Variants in ZNF91 observed in about 807,000 individuals in gnomAD.
ZNF91 encodes the protein zinc finger protein 91 (HPF7, HTF10).
ZNF91 carries 7 observed loss-of-function variants against 12.6 expected under a neutral mutation model. That is an observed-to-expected ratio of 0.55 (90% CI 0.31 to 1.04). The LOEUF is 1.04. ZNF91 is among the 50% of genes least tolerant of loss of function. The pLI, the probability that ZNF91 is intolerant of heterozygous loss-of-function variation, is 0.05. For missense variants in ZNF91, 1,217 were observed against 1,385.4 expected, an observed-to-expected ratio of 0.88 and a Z score of 1.93; for synonymous variants, 453 against 462.6, an observed-to-expected ratio of 0.98 and a Z score of 0.27.
intron 3 of ZNF91, among the ~76,000 whole-genome samples, chr19:23,372,892 C>T (rs565999598): frequency 6.6e-6 from 1 of 152,202 alleles, no homozygotes; most frequent in Admixed American, 6.5e-5. Context: ...ATAAAGCCCA[C>T]CATATGCAGA....
chr19:23,391,437 C>T (rs961013876), intron 1 of ZNF91, among the ~76,000 whole-genome samples: 2 of 151,930 alleles, frequency 1.3e-5, no homozygotes, highest in African/African-American at 4.8e-5. Flanking sequence ...ATTTTATTAC[C>T]CTCTGTTTAA....
chr19:23,323,097 C>G (rs1368171638), intron 1 of ZNF91, among the ~76,000 whole-genome samples: 1 of 148,032 alleles, frequency 6.8e-6, no homozygotes, highest in Non-Finnish European at 1.5e-5. Flanking sequence ...CTCCTCCCCT[C>G]CCCTTGTCTC....
In ZNF91 at chr19:23,362,326, G is replaced by GT. The variant is rs1968831518; in HGVS notation, c.652dup (p.Thr218AsnfsTer10). On this transcript the variant is annotated frameshift_variant, in exon 4 of 4. Transcript: ENST00000300619. LOFTEE classifies it low-confidence loss of function (END_TRUNC). ...AGTAAGGGTTGAGGACCAATGAAAG[G>GT]TTTTTTCACATTCTTTACATTTACA... The GT allele has an allele frequency of 1.2e-6, 2 of 1,613,486 alleles. No individual in the cohort carries two copies. The highest frequency in any genetic ancestry group is 1.7e-6 in the Non-Finnish European group (2 of 1,179,782).
intron 1 of ZNF91, among the ~76,000 whole-genome samples, chr19:23,377,524 T>G (rs1969546186): frequency 6.6e-6 from 1 of 152,146 alleles, no homozygotes; most frequent in South Asian, 2.1e-4. Context: ...TAAATGGGTG[T>G]TCTAAACAAG....
intron 3 of ZNF91, among the ~76,000 whole-genome samples, chr19:23,349,885 A>G (rs1166507348): frequency 6.6e-6 from 1 of 152,248 alleles, no homozygotes; most frequent in Non-Finnish European, 1.5e-5. Context: ...AGGAAGCCAA[A>G]GATGGCAACA....
At chr19:23,322,378 C>A (rs1482092133) in intron 1 of ZNF91, among the ~76,000 whole-genome samples, 1 of 152,174 alleles carries the variant, frequency 6.6e-6, no homozygotes, top group Non-Finnish European at 1.5e-5. Context: ...AGGCCCAGCA[C>A]CTAACTGTTG....
chr19:23,352,658 A>G (rs933293149), intron 3 of ZNF91, among the ~76,000 whole-genome samples: 9 of 152,194 alleles, frequency 5.9e-5, no homozygotes, highest in Non-Finnish European at 1.0e-4. Context: ...CAATTAAAGG[A>G]CACAGAACTG....
intron 1 of ZNF91, among the ~76,000 whole-genome samples, chr19:23,393,780 A>G (rs1970144203): frequency 6.6e-6 from 1 of 152,180 alleles, no homozygotes; most frequent in African/African-American, 2.4e-5. Context: ...TGGGCAGACC[A>G]GCTGAGGCCA....
downstream of ZNF91, among the ~76,000 whole-genome samples, chr19:23,353,194 A>T (rs989990770): frequency 1.1e-4 from 17 of 152,204 alleles, no homozygotes; most frequent in Non-Finnish European, 1.9e-4. Context: ...TCCAAGATAG[A>T]TCATATGATA....
chr19:23,370,610 T>TGCCC (rs1456932452), intron 3 of ZNF91, among the ~76,000 whole-genome samples: 3 of 152,194 alleles, frequency 2.0e-5, no homozygotes, highest in African/African-American at 7.2e-5. Context: ...CAAATAATCC[T>TGCCC]GCCCCTCAAT....
chr19:23,334,371 G>T (rs1387675648), downstream of ZNF91, among the ~76,000 whole-genome samples: 1 of 152,090 alleles, frequency 6.6e-6, no homozygotes, highest in East Asian at 1.9e-4. Flanking sequence ...GCAGCTCTGT[G>T]TTTCAGAGGG....
At chr19:23,335,858 G>T (rs956501179), downstream of ZNF91, among the ~76,000 whole-genome samples, 1 of 152,162 alleles carries the variant, frequency 6.6e-6, no homozygotes, top group African/African-American at 2.4e-5. Flanking sequence ...GATGAACCCA[G>T]TACCTCAGTT....
intron 1 of ZNF91, among the ~76,000 whole-genome samples, chr19:23,317,903 G>T (rs1213466475): frequency 3.3e-5 from 5 of 152,174 alleles, no homozygotes; most frequent in African/African-American, 1.2e-4. Flanking sequence ...TCATGTGCAA[G>T]AATTTTAATT....
At chr19:23,365,479 T>C (rs977893859) in intron 3 of ZNF91, among the ~76,000 whole-genome samples, 1 of 152,128 alleles carries the variant, frequency 6.6e-6, no homozygotes, top group Non-Finnish European at 1.5e-5. Context: ...AATGAGTCAG[T>C]TTTGTTTTAA....
At chr19:23,319,969 G>C (rs1183904104) in intron 1 of ZNF91, among the ~76,000 whole-genome samples, 1 of 152,118 alleles carries the variant, frequency 6.6e-6, no homozygotes, top group African/African-American at 2.4e-5. Flanking sequence ...CCACTCTCTT[G>C]CATGTTGTAT....
rs1967749492 is a variant in ZNF91 at position 23,323,250 on chromosome 19, C to T, written n.117-14153G>A. Among the ~76,000 whole-genome samples the T allele has an allele frequency of 1.4e-5, 2 of 147,840 alleles. 1 individual carries two copies. The highest frequency in any genetic ancestry group is 1.4e-4 in the Admixed American group (2 of 14,788). ...TCTCCTTCTTCTCCTCTCCTTTCTCCTCTCCTCCTGTTCCTTTTCTTCTTT... is the reference window on the plus strand; with the variant it reads ...TCTCCTTCTTCTCCTCTCCTTTCTCTTCTCCTCCTGTTCCTTTTCTTCTTT... On this transcript the variant is annotated intron_variant and non_coding_transcript_variant, in intron 1 of 1. Transcript: ENST00000596528.
chr19:23,368,925 A>G (rs1732804211), intron 3 of ZNF91, among the ~76,000 whole-genome samples: 1 of 152,188 alleles, frequency 6.6e-6, no homozygotes, highest in South Asian at 2.1e-4. Context: ...GAAATGCATT[A>G]AAATCACAAT....
chr19:23,329,105 A>G (rs1243550478), intron 1 of ZNF91: 1 of 152,232 alleles, frequency 6.6e-6, no homozygotes, highest in Admixed American at 6.5e-5. Context: ...ATGAAAATAA[A>G]TGGCTTTCTC....
intron 1 of ZNF91, among the ~76,000 whole-genome samples, chr19:23,333,375 A>C (rs1274200839): frequency 6.6e-6 from 1 of 152,218 alleles, no homozygotes; most frequent in Non-Finnish European, 1.5e-5. Context: ...ATATGAGCCA[A>C]GTAAAGGCAA....
Sources: allele counts gnomAD v4.1 joint callset (sites outside exome capture counted in the v4.1 genomes callset), GRCh38; gene constraint gnomAD v4.1.1; transcripts MANE v1.5; gene names NCBI Gene and HGNC (gene_info 2026-07-23, HGNC 2026-07-21).